The following CNTRL variants were observed in gnomAD, a reference collection of about 807,000 sequenced individuals.
The protein encoded by CNTRL is 110 kDa centrosomal protein.
A neutral mutation model predicts 303.7 loss-of-function variants in CNTRL; 233 were observed. That is an observed-to-expected ratio of 0.77 (90% CI 0.69 to 0.86). The LOEUF (loss-of-function observed/expected upper bound fraction) is 0.86. CNTRL is among the 40% of genes least tolerant of loss of function. The pLI is 0.00. For missense variants in CNTRL, 2,524 were observed against 2,650.6 expected, an observed-to-expected ratio of 0.95 and a Z score of 1.05; for synonymous variants, 900 against 922.2, an observed-to-expected ratio of 0.98 and a Z score of 0.44.
At chr9:121,143,084 A>G (rs10760151) in intron 19 of CNTRL, among the ~76,000 whole-genome samples, 54,399 of 151,810 alleles carry the variant, frequency 0.36, 12,127 homozygotes, top group South Asian at 0.65. Flanking sequence ...ATAGTTACCA[A>G]TCTCAAATAG....
Position 121,116,523 on chromosome 9 carries a change from A to G in CNTRL, c.1455+1323A>G, listed in dbSNP as rs1268040490. On this transcript the variant is annotated intron_variant, in intron 11 of 43. Coordinates refer to ENST00000373855, the MANE Select transcript of CNTRL (RefSeq NM_007018.6). ...TTTTTTGTAGAGATGGAGTCTCACC[A>G]TATTGACCAGGCTGGTCTTGAACTC... is the stretch of plus-strand genomic sequence containing the variant. 4.6e-5 allele frequency among the ~76,000 whole-genome samples: 7 copies of G among 152,268 alleles called. No homozygotes were observed. The East Asian group carries it at 1.3e-3, about 29-fold the overall frequency.
Position 121,162,138 on chromosome 9 carries a change from G to C in CNTRL, c.5290G>C (p.Asp1764His). ...IEWQKQLLER[D>H]KREIERMTAE... is the part of the protein sequence containing the mutation. ...GTGGCAGAAGCAGCTCCTTGAGAGG[G>C]ATAAACGAGAAATAGAACGAATGAC... is the stretch of plus-strand genomic sequence containing the variant. The change falls in exon 34 of 44, where the codon GAT becomes CAT. Residue 1764 changes from aspartate to histidine, a missense_variant. Transcript: ENST00000373855. 2 of 1,614,180 alleles carry C rather than the reference G, an allele frequency of 1.2e-6. No individual in the cohort carries two copies. Among genetic ancestry groups the C allele is most frequent in the Non-Finnish European group, 1.7e-6 (2 of 1,180,012 alleles).
chr9:121,089,126 A>G (rs1293549485), intron 3 of CNTRL, among the ~76,000 whole-genome samples: 6 of 152,254 alleles, frequency 3.9e-5, no homozygotes, highest in Admixed American at 3.9e-4. Context: ...AATAATAGCC[A>G]TTAAACTCTA....
rs1183773001 is a variant in CNTRL, at chr9:121,142,644, CT to C, written c.2871+378del. ...TAATACCCCTGCCTCTCTTTAATGG[CT>C]TTTCTCCATTCCACCTCAACCATCT... is the stretch of plus-strand genomic sequence containing the variant. On this transcript the variant is annotated intron_variant, in intron 19 of 43. Transcript: ENST00000373855. Among the ~76,000 whole-genome samples, 21 of 152,316 alleles carry C rather than the reference CT, an allele frequency of 1.4e-4. No homozygotes were observed. The East Asian group carries it at 3.9e-3, about 28-fold the overall frequency.
At chr9:121,089,543 A>G (rs1298743367) in intron 3 of CNTRL, among the ~76,000 whole-genome samples, 1 of 152,248 alleles carries the variant, frequency 6.6e-6, no homozygotes, top group Non-Finnish European at 1.5e-5. Context: ...CTCTAGCTCT[A>G]TAAAATATGT....
chr9:121,169,373 G>C (rs974260741), intron 38 of CNTRL, among the ~76,000 whole-genome samples: 4 of 152,190 alleles, frequency 2.6e-5, no homozygotes, highest in African/African-American at 9.7e-5. Context: ...GAAGATAGTA[G>C]CTATCTGTCA....
At chr9:121,120,525 C>T (rs1156822891) in intron 12 of CNTRL, among the ~76,000 whole-genome samples, 3 of 152,140 alleles carry the variant, frequency 2.0e-5, no homozygotes, top group Admixed American at 6.5e-5. Context: ...TACTGGTATC[C>T]GTATCCCCAG....
In CNTRL at chr9:121,157,983, G is replaced by A. The variant is rs1457101824; in HGVS notation, c.4638G>A (p.Glu1546=). 2.5e-6 allele frequency: 4 copies of A among 1,613,920 alleles called. No homozygotes were observed. The highest frequency in any genetic ancestry group is 3.4e-6 in the Non-Finnish European group (4 of 1,179,974). The change falls in exon 30 of 44, where the codon GAG becomes GAA. Residue 1546 remains glutamate, a splice_region_variant and synonymous_variant. Transcript: ENST00000373855. ...LSKKKEKLTE[E]LQKLQKDIEM... ...CTCTAGTGTTGCTGGTGCTTTGTAG[G>A]CTTCAGAAACTACAGAAAGACATAG... is the stretch of plus-strand genomic sequence containing the variant.
chr9:121,087,426 C>G (rs2048387073), intron 2 of CNTRL, among the ~76,000 whole-genome samples: 1 of 152,122 alleles, frequency 6.6e-6, no homozygotes, highest in African/African-American at 2.4e-5. Context: ...ATGGCTCACA[C>G]CCATATGTAA....
At chr9:121,119,869 T>C (rs1394737270) in intron 12 of CNTRL, among the ~76,000 whole-genome samples, 3 of 152,176 alleles carry the variant, frequency 2.0e-5, no homozygotes, top group Non-Finnish European at 4.4e-5. Context: ...TTAATCCTTT[T>C]TGCAAATTTT....
At chr9:121,105,136 T>C (rs2049402941) in intron 7 of CNTRL, among the ~76,000 whole-genome samples, 1 of 152,244 alleles carries the variant, frequency 6.6e-6, no homozygotes, top group Non-Finnish European at 1.5e-5. Context: ...GGCTGGAGTC[T>C]ATGCCATACC....
Position 121,175,091 on chromosome 9 carries a change from TAC to T in CNTRL, c.6825_6826del (p.His2275GlnfsTer87). On this transcript the variant is annotated frameshift_variant, in exon 43 of 44. Coordinates refer to ENST00000373855, the MANE Select transcript of CNTRL (RefSeq NM_007018.6). LOFTEE classifies it high-confidence loss of function. ...GGAAAGCGGCAGACAGAGGGCACTT[TAC>T]ACAGTTTGAGGAGACAAGTAGATGC... The T allele has an allele frequency of 3.7e-6, 6 of 1,614,020 alleles. No individual in the cohort carries two copies. The highest frequency in any genetic ancestry group is 5.1e-6 in the Non-Finnish European group (6 of 1,180,002).
intron 5 of CNTRL, 95 bp from the exon 6 acceptor site, chr9:121,096,327 A>G (rs778733966): frequency 5.3e-6 from 4 of 757,968 alleles, no homozygotes; most frequent in African/African-American, 3.6e-5. Context: ...ATGAAAAGTA[A>G]TCTAACATGG....
rs368623219 is a variant in CNTRL, at chr9:121,146,230, T to A, written c.3433T>A (p.Phe1145Ile). 1 of 1,612,522 alleles carries A rather than the reference T, an allele frequency of 6.2e-7. No homozygotes were observed. ...TTTCAAAAGACGAGGCTATTGGTAC[T>A]TTATGCCACCACCACCATCATCAAA... is the stretch of plus-strand genomic sequence containing the variant. Reference protein sequence around the residue: ...DPFKRRGYWYFMPPPPSSKVS... With the variant: ...DPFKRRGYWYIMPPPPSSKVS... Residue 1145 changes from phenylalanine (F) to isoleucine (I), a missense_variant, in exon 23 of 44, where the codon TTT becomes ATT. Phe to Ile is a conservative substitution (Grantham distance 21). Transcript: ENST00000373855.
intron 1 of CNTRL, among the ~76,000 whole-genome samples, chr9:121,080,087 A>G (rs891313320): frequency 7.2e-5 from 11 of 152,222 alleles, no homozygotes; most frequent in African/African-American, 1.2e-4. Context: ...TCAGATAGCT[A>G]TATGACATGG....
At chr9:121,146,540 A>G (rs1027654277) in intron 23 of CNTRL, among the ~76,000 whole-genome samples, 12 of 152,248 alleles carry the variant, frequency 7.9e-5, no homozygotes, top group African/African-American at 2.7e-4. Context: ...TGAAATGGAC[A>G]TAGAATTGTG....
intron 25 of CNTRL, 119 bp from the exon 26 acceptor site, chr9:121,152,365 AC>A: frequency 1.4e-6 from 1 of 709,962 alleles, no homozygotes; most frequent in East Asian, 2.6e-5. Flanking sequence ...CTTAGAATCT[AC>A]CATCATTTTT....
chr9:121,123,658 AAC>A (rs1252247215), intron 12 of CNTRL, among the ~76,000 whole-genome samples: 2 of 152,126 alleles, frequency 1.3e-5, no homozygotes, highest in East Asian at 3.8e-4. Flanking sequence ...CAACGCAAAT[AAC>A]ACTGACCTAC....
At chr9:121,099,161 TC>T (rs971175848) in intron 7 of CNTRL, among the ~76,000 whole-genome samples, 1 of 152,130 alleles carries the variant, frequency 6.6e-6, no homozygotes, top group African/African-American at 2.4e-5. Context: ...GGGAGGCATC[TC>T]CCAGTAGGGG....
Sources: gnomAD v4.1 joint callset for allele counts (sites outside exome capture counted in the v4.1 genomes callset) on GRCh38, gnomAD v4.1.1 for gene constraint, MANE v1.5 for transcripts, NCBI Gene and HGNC (gene_info 2026-07-23, HGNC 2026-07-21) for gene names.